The following TBC1D5 variants were observed in gnomAD, a reference collection of about 807,000 sequenced individuals.
The protein encoded by TBC1D5 is TBC1 domain family, member 5.
In TBC1D5, 75 loss-of-function variants were observed where a neutral mutation model predicts 100.3. That is an observed-to-expected ratio of 0.75 (90% confidence interval 0.62 to 0.91). The LOEUF is 0.91. TBC1D5 is among the 40% of genes least tolerant of loss of function. The probability of loss-of-function intolerance (pLI) is 0.00; values close to 1 mark genes in which losing one functional copy is unlikely to be tolerated. For synonymous variants in TBC1D5, 323 were observed against 325.6 expected, an observed-to-expected ratio of 0.99 and a Z score of 0.09; for missense variants, 910 against 942.4, an observed-to-expected ratio of 0.97 and a Z score of 0.45.
chr3:17,718,535 T>C (rs1309584909), intron 1 of TBC1D5, among the ~76,000 whole-genome samples: 1 of 152,230 alleles, frequency 6.6e-6, no homozygotes, highest in East Asian at 1.9e-4. Flanking sequence ...AGGCAGAGCT[T>C]GCAGTAAGCC....
rs145133964 is a variant in TBC1D5 at position 17,255,203 on chromosome 3, T to C, written c.1331+3303A>G. 3.6e-3 allele frequency among the ~76,000 whole-genome samples: 549 copies of C among 152,186 alleles called. 6 individuals carry two copies. The highest frequency in any genetic ancestry group is 0.025 in the East Asian group (130 of 5,182). On this transcript the variant is annotated intron_variant, in intron 16 of 21. Coordinates refer to ENST00000253692, the Ensembl canonical transcript of TBC1D5. ...AGAGACAGAATGGCCACTTAGGATC[T>C]TGTGTTTCTTTTTTTGAGATGAAGT...
chr3:17,453,079 TA>T (rs570210975), intron 3 of TBC1D5, among the ~76,000 whole-genome samples: 5,613 of 81,890 alleles, frequency 0.069, 200 homozygotes, highest in African/African-American at 0.16. Context: ...AATGAAGAAA[TA>T]AAAAAAAAAA....
chr3:17,581,065 G>C (rs2096691927), intron 2 of TBC1D5, among the ~76,000 whole-genome samples: 1 of 152,110 alleles, frequency 6.6e-6, no homozygotes, highest in Admixed American at 6.5e-5. Context: ...CTGAATCATG[G>C]GGGAGGGTTT....
intron 8 of TBC1D5, among the ~76,000 whole-genome samples, chr3:17,386,970 T>C (rs937238132): frequency 2.6e-5 from 4 of 152,142 alleles, no homozygotes; most frequent in Non-Finnish European, 2.9e-5. Context: ...ACTGAAAATA[T>C]GTATTATGCA....
chr3:17,288,711 A>T (rs1026863247), intron 15 of TBC1D5, among the ~76,000 whole-genome samples: 1 of 152,148 alleles, frequency 6.6e-6, no homozygotes, highest in Non-Finnish European at 1.5e-5. Flanking sequence ...CTCCAGTGAG[A>T]GCTATTTCAT....
chr3:17,455,526 A>ATGTG (rs367962419), intron 3 of TBC1D5, among the ~76,000 whole-genome samples: 2,752 of 122,868 alleles, frequency 0.022, 44 homozygotes, highest in Non-Finnish European at 0.035. Flanking sequence ...ATATATATAT[A>ATGTG]TATATGTGTG....
chr3:17,652,247 G>A (rs2065649011), intron 1 of TBC1D5, among the ~76,000 whole-genome samples: 1 of 151,956 alleles, frequency 6.6e-6, no homozygotes, highest in Non-Finnish European at 1.5e-5. Flanking sequence ...GTTTCTAGTA[G>A]AATAATCTTT....
At chr3:17,530,988 A>G (rs2096214869) in intron 2 of TBC1D5, among the ~76,000 whole-genome samples, 1 of 152,342 alleles carries the variant, frequency 6.6e-6, no homozygotes, top group South Asian at 2.1e-4. Flanking sequence ...GGCCAGGGCA[A>G]TTAGGCAGGA....
At chr3:17,349,829 T>C (rs1395285396) in intron 13 of TBC1D5, among the ~76,000 whole-genome samples, 2 of 152,120 alleles carry the variant, frequency 1.3e-5, no homozygotes, top group Non-Finnish European at 2.9e-5. Context: ...TAATGATACA[T>C]TTAAACGATT....
intron 4 of TBC1D5, among the ~76,000 whole-genome samples, chr3:17,410,720 G>A (rs1001734044): frequency 3.9e-5 from 6 of 152,096 alleles, no homozygotes; most frequent in African/African-American, 1.4e-4. Flanking sequence ...AAAATAACAA[G>A]AAAACTAGAA....
At chr3:17,318,059 G>A (rs1031127384) in intron 13 of TBC1D5, among the ~76,000 whole-genome samples, 2 of 152,038 alleles carry the variant, frequency 1.3e-5, no homozygotes, top group Admixed American at 6.6e-5. Flanking sequence ...AAAAAATGAT[G>A]AGTTCATGTC....
intron 18 of TBC1D5, among the ~76,000 whole-genome samples, chr3:17,200,586 G>A (rs901622631): frequency 2.6e-5 from 4 of 152,236 alleles, no homozygotes; most frequent in Non-Finnish European, 4.4e-5. Context: ...ACTGTTTTCC[G>A]TGAAACGGTC....
chr3:17,720,244 C>T (rs900654399), intron 1 of TBC1D5, among the ~76,000 whole-genome samples: 11 of 151,936 alleles, frequency 7.2e-5, no homozygotes, highest in Non-Finnish European at 1.5e-5. Flanking sequence ...GTCTCTGTAA[C>T]CTGAAAAAAA....
intron 1 of TBC1D5, among the ~76,000 whole-genome samples, chr3:17,634,020 C>T (rs767568396): frequency 2.0e-5 from 3 of 152,130 alleles, no homozygotes; most frequent in Non-Finnish European, 4.4e-5. Context: ...AATATGATAT[C>T]ATCTCACCAC....
At chr3:17,316,221 A>G (rs1254396038) in intron 13 of TBC1D5, among the ~76,000 whole-genome samples, 2 of 152,090 alleles carry the variant, frequency 1.3e-5, no homozygotes, top group Non-Finnish European at 2.9e-5. Flanking sequence ...AGTTAGAGAA[A>G]TTTACAAAAT....
chr3:17,390,168 AC>A (rs2093308577), intron 8 of TBC1D5, among the ~76,000 whole-genome samples: 2 of 152,084 alleles, frequency 1.3e-5, no homozygotes, highest in African/African-American at 4.8e-5. Flanking sequence ...GTCTCATATG[AC>A]TGCAGTGTGT....
At position 17,698,491 on chromosome 3, in the gene TBC1D5, T is replaced by G. The variant is rs1193995469; in HGVS notation, c.-101+40852A>C. Among the ~76,000 whole-genome samples the G allele has an allele frequency of 3.3e-5, 5 of 152,188 alleles. No homozygotes were observed. The South Asian group carries it at 1.0e-3, about 32-fold the overall frequency. ...TCAGGATATAGGCATGGGCAAGGACTTCATGTCTAAAACACCAAAAGCAAT... is the reference window on the plus strand; with the variant it reads ...TCAGGATATAGGCATGGGCAAGGACGTCATGTCTAAAACACCAAAAGCAAT... On this transcript the variant is annotated intron_variant, in intron 1 of 21. Transcript: ENST00000253692.
chr3:17,682,726 T>G (rs922585571), intron 1 of TBC1D5, among the ~76,000 whole-genome samples: 1 of 151,556 alleles, frequency 6.6e-6, no homozygotes, highest in Non-Finnish European at 1.5e-5. Flanking sequence ...ATAAGATAAA[T>G]TATGTCATTA....
intron 1 of TBC1D5, among the ~76,000 whole-genome samples, chr3:17,664,241 T>C (rs1390088856): frequency 6.6e-6 from 1 of 152,108 alleles, no homozygotes; most frequent in African/African-American, 2.4e-5. Flanking sequence ...AGCTAATCTT[T>C]TTGTATTTTT....
Sources: gnomAD v4.1 joint callset for allele counts (sites outside exome capture counted in the v4.1 genomes callset) on GRCh38, gnomAD v4.1.1 for gene constraint, MANE v1.5 for transcripts, NCBI Gene and HGNC (gene_info 2026-07-23, HGNC 2026-07-21) for gene names.